The following ST3GAL5 variants were observed in gnomAD, a reference collection of about 807,000 sequenced individuals.
ST3GAL5 encodes lactosylceramide alpha-2,3-sialyltransferase.
A neutral mutation model predicts 46.1 loss-of-function variants in ST3GAL5; 25 were observed. The ratio of observed to expected loss-of-function variants is 0.54; its 90% CI spans 0.40 to 0.76. The LOEUF is 0.76. Among genes scored for constraint, ST3GAL5 ranks in the 30% least tolerant of loss-of-function variants. ST3GAL5 has a pLI of 0.00. For missense variants in ST3GAL5, 431 were observed against 521.2 expected (o/e 0.83, Z 1.69); for synonymous variants, 182 against 192.7 (o/e 0.94, Z 0.46).
chr2:85,885,224 C>G (rs1332848595), intron 1 of ST3GAL5, among the ~76,000 whole-genome samples: 1 of 152,166 alleles, frequency 6.6e-6, no homozygotes, highest in African/African-American at 2.4e-5. Context: ...ATTATGAGAG[C>G]TCAGAGAGGA....
chr2:85,846,657 T>G (rs1682826878), intron 4 of ST3GAL5, 94 bp from the exon 5 acceptor site: 2 of 1,216,830 alleles, frequency 1.6e-6, no homozygotes, highest in Non-Finnish European at 2.4e-6. Context: ...CCTCCACGTC[T>G]TCTTATGACT....
At chr2:85,866,529 C>A (rs1685306640) in intron 1 of ST3GAL5, among the ~76,000 whole-genome samples, 1 of 152,258 alleles carries the variant, frequency 6.6e-6, no homozygotes, top group South Asian at 2.1e-4. Context: ...CAAAGAAGTA[C>A]TGTTAGAAAC....
Position 85,863,466 on chromosome 2 carries a change from G to A in ST3GAL5, c.102C>T (p.Thr34=). The A allele has an allele frequency of 6.2e-7, 1 of 1,614,124 alleles. No individual in the cohort carries two copies. The highest frequency in any genetic ancestry group is 1.1e-5 in the South Asian group (1 of 91,080). ...AGCAATCACTTCTCAGTTTCACATA[G>A]GTGTACTCACTTGGCATTGCTGTGA... ...PAGRAMPSEY[T]YVKLRSDCSR... The change falls in exon 2 of 7, where the codon ACC becomes ACT. Residue 34 remains threonine (T), a synonymous_variant. Transcript: ENST00000638572.
At chr2:85,852,419 A>G (rs1372879428) in intron 3 of ST3GAL5, among the ~76,000 whole-genome samples, 3 of 152,254 alleles carry the variant, frequency 2.0e-5, no homozygotes, top group African/African-American at 7.2e-5. Context: ...ATATCACACA[A>G]GGACAATAAC....
At chr2:85,846,700 C>T in intron 4 of ST3GAL5, 137 bp from the exon 5 acceptor site, 1 of 771,540 alleles carries the variant, frequency 1.3e-6, no homozygotes, top group Non-Finnish European at 2.2e-6. Context: ...GCCTCATCTC[C>T]CCTCCCAGCT....
At chr2:85,863,310 T>C in intron 2 of ST3GAL5, 52 bp downstream of exon 2, 1 of 1,612,482 alleles carries the variant, frequency 6.2e-7, no homozygotes, top group Non-Finnish European at 8.5e-7. Flanking sequence ...CTCCTAGTTC[T>C]ACACAGTTGA....
intron 1 of ST3GAL5, among the ~76,000 whole-genome samples, chr2:85,875,697 C>G (rs747299496): frequency 6.6e-6 from 1 of 152,046 alleles, no homozygotes; most frequent in Non-Finnish European, 1.5e-5. Flanking sequence ...TGGGGGAACA[C>G]TGGGGCGGAG....
At chr2:85,856,794 T>G (rs1189539791) in intron 3 of ST3GAL5, among the ~76,000 whole-genome samples, 2 of 151,708 alleles carry the variant, frequency 1.3e-5, no homozygotes, top group Admixed American at 1.3e-4. Context: ...GGTCTCAAAC[T>G]CCTGGCCTCA....
At chr2:85,848,570 T>A in intron 3 of ST3GAL5, 1 of 438,466 alleles carries the variant, frequency 2.3e-6, no homozygotes, top group Non-Finnish European at 4.0e-6. Context: ...ACAACATAGT[T>A]AAACTTTGAG....
intron 1 of ST3GAL5, among the ~76,000 whole-genome samples, chr2:85,864,546 TA>T (rs1315239546): frequency 7.1e-6 from 1 of 140,852 alleles, no homozygotes; most frequent in African/African-American, 2.7e-5. Context: ...TAAAAAAGTT[TA>T]AAAAGAAAGT....
intron 3 of ST3GAL5, among the ~76,000 whole-genome samples, chr2:85,857,647 CAA>C (rs1011064774): frequency 6.6e-6 from 1 of 151,598 alleles, no homozygotes; most frequent in African/African-American, 2.4e-5. Flanking sequence ...GGAGGTGGCA[CAA>C]AAAGACTGGA....
intron 6 of ST3GAL5, 173 bp from the exon 7 acceptor site, chr2:85,840,565 T>C (rs1681906249): frequency 1.4e-6 from 1 of 721,196 alleles, no homozygotes; most frequent in Non-Finnish European, 2.4e-6. Context: ...TCCATTTAAG[T>C]CAGGAATCTA....
Position 85,838,397 on chromosome 2 carries a change from T to A in ST3GAL5, c.*1747A>T, listed in dbSNP as rs531309731. 10 of 152,230 alleles carry A rather than the reference T, an allele frequency of 6.6e-5. No individual in the cohort carries two copies. Among genetic ancestry groups the A allele is most frequent in the Non-Finnish European group, 1.3e-4 (9 of 68,014 alleles). The allele number at this position is 152,230 out of a possible 1,614,324, so 9.4% of individuals were successfully genotyped here. ...GCTTCTCCAATAACCCCCTGAGGGA[T>A]GTAGGGGTGGAGCTGTGTGGTGTAA... On this transcript the variant is annotated 3_prime_UTR_variant, in exon 7 of 7. Transcript: ENST00000638572.
intron 3 of ST3GAL5, chr2:85,853,395 T>C (rs1402991098): frequency 1.9e-5 from 6 of 318,014 alleles, no homozygotes; most frequent in African/African-American, 1.3e-4. Context: ...TGCTCAAGTC[T>C]AGCAGGGCTG....
intron 6 of ST3GAL5, among the ~76,000 whole-genome samples, chr2:85,843,438 C>G (rs949373963): frequency 6.6e-6 from 1 of 152,150 alleles, no homozygotes; most frequent in Non-Finnish European, 1.5e-5. Context: ...AGAAAATGGG[C>G]AAAAATACTA....
chr2:85,852,742 G>C (rs769930007), intron 3 of ST3GAL5: 124 of 535,602 alleles, frequency 2.3e-4, no homozygotes, highest in Middle Eastern at 5.8e-4. Flanking sequence ...CCCATCAACT[G>C]TTAGAAAAAA....
chr2:85,869,489 A>C (rs561648474), intron 1 of ST3GAL5, among the ~76,000 whole-genome samples: 16 of 152,198 alleles, frequency 1.1e-4, no homozygotes, highest in Non-Finnish European at 1.8e-4. Flanking sequence ...TACGATTGAA[A>C]TTTAAGCTAT....
At chr2:85,876,462 C>CTTTTTTTT (rs59265377) in intron 1 of ST3GAL5, among the ~76,000 whole-genome samples, 1 of 111,250 alleles carries the variant, frequency 9.0e-6, no homozygotes, top group Non-Finnish European at 1.8e-5. Flanking sequence ...TTTCTTTTTC[C>CTTTTTTTT]TTTTTTTTTT....
At chr2:85,885,140 G>T (rs139311523) in intron 1 of ST3GAL5, among the ~76,000 whole-genome samples, 1 of 152,260 alleles carries the variant, frequency 6.6e-6, no homozygotes, top group Non-Finnish European at 1.5e-5. Context: ...TTTCCTCTAG[G>T]TCACGGATAA....
Sources: allele counts gnomAD v4.1 joint callset (sites outside exome capture counted in the v4.1 genomes callset), GRCh38; gene constraint gnomAD v4.1.1; transcripts MANE v1.5; gene names NCBI Gene and HGNC (gene_info 2026-07-23, HGNC 2026-07-21).